The following NSD1 variants were observed in gnomAD, a reference collection of about 807,000 sequenced individuals.
NSD1 encodes histone-lysine N-methyltransferase, H3 lysine-36 specific.
A neutral mutation model predicts 242.7 loss-of-function variants in NSD1; 26 were observed. The observed-to-expected ratio is 0.11, with a 90% CI of 0.08 to 0.15. NSD1 has a LOEUF of 0.15. Among genes scored for constraint, NSD1 ranks in the 10% least tolerant of loss-of-function variants. The pLI is 1.00. For synonymous variants in NSD1, 1,106 were observed against 1,178.1 expected, an observed-to-expected ratio of 0.94 and a Z score of 1.25; for missense variants, 2,495 against 3,272.8, an observed-to-expected ratio of 0.76 and a Z score of 5.80.
At chr5:177,162,271 T>C (rs576703524) in intron 2 of NSD1, among the ~76,000 whole-genome samples, 1 of 151,692 alleles carries the variant, frequency 6.6e-6, no homozygotes, top group East Asian at 1.9e-4. Flanking sequence ...GCCCTCCAGG[T>C]TGGGCAAGAG....
chr5:177,231,092 T>C (rs1164724739), intron 5 of NSD1, among the ~76,000 whole-genome samples: 4 of 152,218 alleles, frequency 2.6e-5, no homozygotes, highest in African/African-American at 9.6e-5. Context: ...GTCACCACCC[T>C]GCCCCCACTT....
At chr5:177,271,928 C>G (rs1007168454) in intron 16 of NSD1, among the ~76,000 whole-genome samples, 6 of 151,998 alleles carry the variant, frequency 3.9e-5, no homozygotes, top group Admixed American at 3.9e-4. Flanking sequence ...TTGAGACCAG[C>G]CTAGCCAACA....
intron 20 of NSD1, among the ~76,000 whole-genome samples, chr5:177,284,520 T>C (rs935013598): frequency 1.3e-5 from 2 of 152,110 alleles, no homozygotes; most frequent in African/African-American, 4.8e-5. Context: ...ACTCCTGGGC[T>C]CAAGTGATCC....
chr5:177,175,980 A>T (rs1760162967), intron 2 of NSD1, among the ~76,000 whole-genome samples: 1 of 151,064 alleles, frequency 6.6e-6, no homozygotes, highest in Non-Finnish European at 1.5e-5. Context: ...GGTTCAAGTG[A>T]TTCTCCTGCC....
At chr5:177,141,655 T>G (rs1756835095) in intron 2 of NSD1, among the ~76,000 whole-genome samples, 1 of 152,022 alleles carries the variant, frequency 6.6e-6, no homozygotes, top group Admixed American at 6.6e-5. Context: ...AGTCCTTTTT[T>G]GCGTCCTTGT....
intron 14 of NSD1, chr5:177,265,673 A>G: frequency 2.5e-6 from 4 of 1,609,612 alleles, no homozygotes; most frequent in Non-Finnish European, 3.4e-6. Flanking sequence ...GTTGGGCCGC[A>G]TGCCGATGGT....
In NSD1 at chr5:177,295,570, T is replaced by C. The variant is rs1316040940; in HGVS notation, c.*111T>C. On this transcript the variant is annotated 3_prime_UTR_variant, in exon 23 of 23. Transcript: ENST00000439151. This position sits in a 1 kb window ranked among gnomAD's most constrained non-coding sequence, Gnocchi z 4.3. ...AAAAAACACATCTGCCCCGAACACT[T>C]TCCCACTGTTATTCTTTCCTCATAT... 2 of 1,094,678 alleles carry C rather than the reference T, an allele frequency of 1.8e-6. No individual in the cohort carries two copies. Among genetic ancestry groups the C allele is most frequent in the African/African-American group, 3.1e-5 (2 of 64,088 alleles). The allele number at this position is 1,094,678 out of a possible 1,614,324, so 67.8% of individuals were successfully genotyped here.
chr5:177,187,556 A>T (rs1434055288), intron 2 of NSD1, among the ~76,000 whole-genome samples: 1 of 152,198 alleles, frequency 6.6e-6, no homozygotes, highest in Non-Finnish European at 1.5e-5. Flanking sequence ...TGGCTTAAAC[A>T]GCAGAAATTC....
chr5:177,220,627 TGGCATGATCTTAG>T (rs1764162616), intron 5 of NSD1, among the ~76,000 whole-genome samples: 1 of 144,418 alleles, frequency 6.9e-6, no homozygotes, highest in East Asian at 2.2e-4. Context: ...TGGAGTGCAG[TGGCATGATCTTAG>T]CTCACTGCAA....
rs1385727661 is a variant in NSD1, at chr5:177,299,661, G to A, written c.*4202G>A. ...AAGAAGTGTTTCGAGTTTAACATGC[G>A]CTGTTTCTGCTTATGTGGTTCCTTC... On this transcript the variant is annotated 3_prime_UTR_variant, in exon 23 of 23. Transcript: ENST00000439151. 2.1e-5 allele frequency: 5 copies of A among 233,150 alleles called. No individual in the cohort carries two copies. Among genetic ancestry groups the A allele is most frequent in the East Asian group, 1.2e-4 (2 of 16,604 alleles). 14.4% of individuals were successfully genotyped at this position (233,150 alleles called of 1,614,324 possible).
rs1007824042 is a variant in NSD1 at position 177,260,272 on chromosome 5, T to C, written c.5146+104T>C. 1.7e-5 allele frequency: 18 copies of C among 1,059,380 alleles called. No individual in the cohort carries two copies. In the East Asian group the frequency reaches 1.8e-4, roughly 11 times the overall value. The allele number at this position is 1,059,380 out of a possible 1,614,324, so 65.6% of individuals were successfully genotyped here. On this transcript the variant is annotated intron_variant, in intron 14 of 22. Coordinates refer to ENST00000439151, the MANE Select transcript of NSD1 (RefSeq NM_022455.5). ...CATCATATTGCCACTGGAAAAAATA[T>C]TAGAAATGATACTATTCATCTGCCA... is the stretch of plus-strand genomic sequence containing the variant.
intron 14 of NSD1, chr5:177,266,526 G>A (rs1172621783): frequency 7.8e-6 from 5 of 643,484 alleles, no homozygotes; most frequent in Middle Eastern, 2.7e-4. Context: ...TCGGCTTCTC[G>A]CTGCTTTCCG....
intron 21 of NSD1, 24 bp downstream of exon 21, chr5:177,288,949 T>C (rs1412402648): frequency 6.4e-7 from 1 of 1,551,608 alleles, no homozygotes; most frequent in African/African-American, 1.4e-5. Flanking sequence ...AGACTTCTGC[T>C]TTGGGATTAG....
chr5:177,159,230 A>G lies in NSD1; in HGVS notation c.927+23200A>G, dbSNP rs1160400477. Among the ~76,000 whole-genome samples, 6 of 150,172 alleles carry G rather than the reference A, an allele frequency of 4.0e-5. 1 individual carries two copies. Among genetic ancestry groups the G allele is most frequent in the African/African-American group, 1.5e-4 (6 of 40,874 alleles). On this transcript the variant is annotated intron_variant, in intron 2 of 22. Coordinates refer to ENST00000439151, the MANE Select transcript of NSD1 (RefSeq NM_022455.5). ...GATTTTTTGTCTTAATTCATGAAGG[A>G]TGAATTAAGTCTGCAGTTGTTCTTT...
chr5:177,176,188 TCGTAACATTTCAGTGACTTCA>T (rs2149803701), intron 2 of NSD1, among the ~76,000 whole-genome samples: 1 of 152,198 alleles, frequency 6.6e-6, no homozygotes, highest in South Asian at 2.1e-4. Context: ...ATTGCAAAAA[TCGTAACATTTCAGTGACTTCA>T]GTGTTTTGAA....
chr5:177,192,501 A>G (rs944820691), intron 3 of NSD1, among the ~76,000 whole-genome samples: 5 of 152,144 alleles, frequency 3.3e-5, no homozygotes, highest in East Asian at 1.9e-4. Context: ...GGTTCAAGCA[A>G]TTCTTCTGGC....
chr5:177,160,563 A>G (rs1385962082), intron 2 of NSD1, among the ~76,000 whole-genome samples: 1 of 151,994 alleles, frequency 6.6e-6, no homozygotes, highest in Admixed American at 6.6e-5. Flanking sequence ...TCAGCCTCCC[A>G]AAGTGTTGGG....
At chr5:177,204,839 A>G (rs760974032) in intron 4 of NSD1, among the ~76,000 whole-genome samples, 21 of 151,984 alleles carry the variant, frequency 1.4e-4, no homozygotes, top group Non-Finnish European at 1.9e-4. Flanking sequence ...AGCTTGTGAC[A>G]TATTTATACT....
chr5:177,204,732 A>G (rs1264141916), intron 4 of NSD1, among the ~76,000 whole-genome samples: 2 of 152,136 alleles, frequency 1.3e-5, no homozygotes, highest in African/African-American at 4.8e-5. Flanking sequence ...TTCCTTTGGT[A>G]GTAGAATATC....
Sources: gnomAD v4.1 joint callset for allele counts (sites outside exome capture counted in the v4.1 genomes callset) on GRCh38, gnomAD v4.1.1 for gene constraint, Gnocchi (gnomAD v3.1) non-coding constraint, MANE v1.5 for transcripts, NCBI Gene and HGNC (gene_info 2026-07-23, HGNC 2026-07-21) for gene names.